ZNF407: variants seen among roughly 807,000 people sequenced by gnomAD.
ZNF407 encodes the protein zinc finger protein 407.
Under a neutral mutation model 131.2 loss-of-function variants are expected in ZNF407, and 17 were observed. That is an observed-to-expected ratio of 0.13 (90% CI 0.09 to 0.19). ZNF407 has a LOEUF of 0.19. Among genes scored for constraint, ZNF407 ranks in the 10% least tolerant of loss-of-function variants. The probability of loss-of-function intolerance (pLI) is 1.00; values close to 1 mark genes in which losing one functional copy is unlikely to be tolerated. For missense variants in ZNF407, 2,681 were observed against 2,830.6 expected, an observed-to-expected ratio of 0.95 and a Z score of 1.20; for synonymous variants, 1,156 against 1,062.0, an observed-to-expected ratio of 1.09 and a Z score of -1.72.
intron 3 of ZNF407, among the ~76,000 whole-genome samples, chr18:74,777,085 A>C (rs983532822): frequency 3.3e-5 from 5 of 152,278 alleles, no homozygotes; most frequent in African/African-American, 1.2e-4. Context: ...GCTTTAATAG[A>C]TGAGTTAGAT....
At chr18:74,929,654 A>G (rs1971959092) in intron 8 of ZNF407, among the ~76,000 whole-genome samples, 1 of 152,218 alleles carries the variant, frequency 6.6e-6, no homozygotes. Context: ...GGAAACAAAG[A>G]TCATGTTGCC....
intron 8 of ZNF407, among the ~76,000 whole-genome samples, chr18:74,959,985 C>T (rs924224334): frequency 5.3e-5 from 8 of 152,200 alleles, no homozygotes; most frequent in African/African-American, 1.9e-4. Flanking sequence ...TTGTATAACT[C>T]ATTTAACCAG....
At chr18:74,804,289 A>G (rs1970074675) in intron 4 of ZNF407, 1 of 1,184,486 alleles carries the variant, frequency 8.4e-7, no homozygotes, top group East Asian at 3.7e-5. Flanking sequence ...TAAAATTGTC[A>G]TCATCAATGA....
chr18:75,000,181 G>A (rs1232266235), intron 8 of ZNF407, among the ~76,000 whole-genome samples: 3 of 152,202 alleles, frequency 2.0e-5, no homozygotes, highest in African/African-American at 7.2e-5. Flanking sequence ...GAAACCCAGT[G>A]TCAGGGGGAC....
chr18:75,053,939 G>A (rs1218777810), intron 8 of ZNF407, among the ~76,000 whole-genome samples: 1 of 152,202 alleles, frequency 6.6e-6, no homozygotes, highest in Non-Finnish European at 1.5e-5. Context: ...TGGCAGCCTT[G>A]CCCAGCCAGT....
intron 8 of ZNF407, among the ~76,000 whole-genome samples, chr18:74,992,993 C>T (rs1211901330): frequency 6.6e-6 from 1 of 152,094 alleles, no homozygotes; most frequent in Non-Finnish European, 1.5e-5. Flanking sequence ...TTAGTGAGGA[C>T]ATGGAGGAGC....
At chr18:74,720,231 C>T (rs149055554) in intron 3 of ZNF407, among the ~76,000 whole-genome samples, 46 of 151,624 alleles carry the variant, frequency 3.0e-4, no homozygotes, top group African/African-American at 1.0e-3. Context: ...GATGAGACCT[C>T]GGTGTGGTTT....
At position 75,048,071 on chromosome 18, in the gene ZNF407, A is replaced by G. The variant is rs577637273; in HGVS notation, c.5429-15079A>G. 6.6e-6 allele frequency among the ~76,000 whole-genome samples: 1 copy of G among 152,318 alleles called. No homozygotes were observed. Among genetic ancestry groups the G allele is most frequent in the Admixed American group, 6.5e-5 (1 of 15,302 alleles). ...TATATAGAATATGGCACGTGTTGGT[A>G]TTCATAACTCGTTAACCACGTGCTC... On this transcript the variant is annotated intron_variant, in intron 8 of 8. Transcript: ENST00000299687. This position sits in a 1 kb window ranked among gnomAD's most constrained non-coding sequence, Gnocchi z 4.1.
chr18:74,836,931 G>A (rs557526742), intron 4 of ZNF407, among the ~76,000 whole-genome samples: 2 of 152,208 alleles, frequency 1.3e-5, no homozygotes, highest in Non-Finnish European at 2.9e-5. Context: ...TTTTATTTGG[G>A]ATCGAAGATC....
chr18:74,771,954 T>G (rs1423674828), intron 3 of ZNF407, among the ~76,000 whole-genome samples: 4 of 152,220 alleles, frequency 2.6e-5, no homozygotes, highest in African/African-American at 9.6e-5. Flanking sequence ...TGTAGTGGTT[T>G]TATTTTTGAA....
chr18:74,680,919 C>G (rs569775948), intron 3 of ZNF407, among the ~76,000 whole-genome samples: 2 of 152,184 alleles, frequency 1.3e-5, no homozygotes, highest in Non-Finnish European at 2.9e-5. Flanking sequence ...ATAGTATAAA[C>G]TGTATAAAAT....
At chr18:74,794,501 T>G (rs2145056512) in intron 4 of ZNF407, among the ~76,000 whole-genome samples, 1 of 152,266 alleles carries the variant, frequency 6.6e-6, no homozygotes, top group East Asian at 1.9e-4. Context: ...CTGTTCATAT[T>G]CCTTGCAAAT....
At chr18:74,625,647 A>G (rs1983755652) in intron 1 of ZNF407, among the ~76,000 whole-genome samples, 1 of 152,212 alleles carries the variant, frequency 6.6e-6, no homozygotes, top group Non-Finnish European at 1.5e-5. Context: ...GAATAGTATA[A>G]TGAATCCCCA....
chr18:74,765,712 T>C (rs1304000321), intron 3 of ZNF407, among the ~76,000 whole-genome samples: 1 of 152,178 alleles, frequency 6.6e-6, no homozygotes, highest in East Asian at 1.9e-4. Context: ...GAGTTCTGTC[T>C]CTATTGGGGT....
intron 4 of ZNF407, among the ~76,000 whole-genome samples, chr18:74,865,325 T>A (rs1970995820): frequency 6.6e-6 from 1 of 152,238 alleles, no homozygotes; most frequent in African/African-American, 2.4e-5. Context: ...TTTCTTTTTA[T>A]CATAATATCT....
In ZNF407 at chr18:75,061,038, G is replaced by A. The variant is rs527643701; in HGVS notation, c.5429-2112G>A. 6.6e-5 allele frequency among the ~76,000 whole-genome samples: 10 copies of A among 152,258 alleles called. No individual in the cohort carries two copies. The East Asian group carries it at 1.9e-3, about 29-fold the overall frequency. ...CCCACTGGAAGACAGGCCCTGTCTG[G>A]GGTCTGTGCTCAGAATTAACTCGGT... On this transcript the variant is annotated intron_variant, in intron 8 of 8. Transcript: ENST00000299687.
intron 7 of ZNF407, among the ~76,000 whole-genome samples, chr18:74,915,243 G>A (rs17055185): frequency 0.12 from 17,825 of 152,198 alleles, 1,236 homozygotes; most frequent in Middle Eastern, 0.23. Context: ...TCAGGAATGG[G>A]CCTAGTATCC....
chr18:75,004,025 C>T (rs185755019), intron 8 of ZNF407, among the ~76,000 whole-genome samples: 46 of 152,266 alleles, frequency 3.0e-4, no homozygotes, highest in Non-Finnish European at 5.9e-5. Flanking sequence ...AAGCAGATTT[C>T]GCAAGTTTGT....
At chr18:74,853,066 C>T (rs17055749) in intron 4 of ZNF407, among the ~76,000 whole-genome samples, 3,006 of 151,888 alleles carry the variant, frequency 0.02, 64 homozygotes, top group East Asian at 0.049. Context: ...GGCTAGTATT[C>T]GTTCTGGCTG....
Sources: allele counts gnomAD v4.1 joint callset (sites outside exome capture counted in the v4.1 genomes callset), GRCh38; gene constraint gnomAD v4.1.1; non-coding constraint Gnocchi (gnomAD v3.1); transcripts MANE v1.5; gene names NCBI Gene and HGNC (gene_info 2026-07-23, HGNC 2026-07-21).